Variants in ADCK1 observed in about 807,000 individuals in gnomAD.
ADCK1 encodes aarF domain-containing protein kinase 1.
Under a neutral mutation model 52.3 loss-of-function variants are expected in ADCK1, and 41 were observed. The ratio of observed to expected loss-of-function variants is 0.78; its 90% confidence interval spans 0.61 to 1.02. The LOEUF (loss-of-function observed/expected upper bound fraction) is 1.02, where lower values mean the gene tolerates loss of function less well. Ranked by LOEUF, ADCK1 falls within the 50% of genes least tolerant of loss-of-function variation. The probability of loss-of-function intolerance (pLI) is 0.00; values close to 1 mark genes in which losing one functional copy is unlikely to be tolerated. For missense variants in ADCK1, 658 were observed against 679.5 expected, an observed-to-expected ratio of 0.97 and a Z score of 0.35; for synonymous variants, 250 against 274.6, an observed-to-expected ratio of 0.91 and a Z score of 0.89.
intron 4 of ADCK1, among the ~76,000 whole-genome samples, chr14:77,862,619 G>A (rs534520343): frequency 4.6e-5 from 7 of 152,226 alleles, no homozygotes; most frequent in African/African-American, 7.2e-5. Context: ...GTTGGAGGAC[G>A]TGGTATTGGA....
At chr14:77,844,781 T>C (rs1302904022) in intron 3 of ADCK1, among the ~76,000 whole-genome samples, 4 of 152,200 alleles carry the variant, frequency 2.6e-5, no homozygotes, top group Non-Finnish European at 4.4e-5. Context: ...GTAACAGTTA[T>C]AGGTTTTTAA....
chr14:77,853,214 G>T (rs938463762), intron 3 of ADCK1, among the ~76,000 whole-genome samples: 4 of 151,638 alleles, frequency 2.6e-5, no homozygotes, highest in African/African-American at 9.7e-5. Context: ...CTGCCTCCTG[G>T]TCTCAAGCAA....
chr14:77,895,082 C>A (rs1304982525), intron 5 of ADCK1, among the ~76,000 whole-genome samples: 1 of 152,136 alleles, frequency 6.6e-6, no homozygotes, highest in Non-Finnish European at 1.5e-5. Flanking sequence ...TTATGTGTGA[C>A]TCTTCATTTT....
intron 3 of ADCK1, among the ~76,000 whole-genome samples, chr14:77,851,522 T>G (rs2082284822): frequency 6.6e-6 from 1 of 152,210 alleles, no homozygotes; most frequent in East Asian, 1.9e-4. Context: ...GTTATTCGTT[T>G]TCTGTTTGTC....
chr14:77,839,268 C>T (rs866213731), intron 3 of ADCK1, among the ~76,000 whole-genome samples: 8 of 152,226 alleles, frequency 5.3e-5, no homozygotes, highest in African/African-American at 1.2e-4. Flanking sequence ...GAGGCAGGGC[C>T]GGCCATGTGA....
chr14:77,913,478 T>C (rs2083843797), intron 7 of ADCK1, among the ~76,000 whole-genome samples: 1 of 152,182 alleles, frequency 6.6e-6, no homozygotes, highest in Admixed American at 6.5e-5. Context: ...CTGGTGATCA[T>C]ATTTGCCAGT....
At chr14:77,802,544 G>C (rs2081132852) in intron 1 of ADCK1, among the ~76,000 whole-genome samples, 1 of 151,796 alleles carries the variant, frequency 6.6e-6, no homozygotes, top group African/African-American at 2.4e-5. Flanking sequence ...TCTGCCTCTC[G>C]GGTTCCAGCA....
At chr14:77,866,902 G>C (rs2082673020) in intron 4 of ADCK1, among the ~76,000 whole-genome samples, 1 of 152,132 alleles carries the variant, frequency 6.6e-6, no homozygotes, top group Non-Finnish European at 1.5e-5. Context: ...CCTGGGGTCT[G>C]ACTCCACCTG....
intron 5 of ADCK1, among the ~76,000 whole-genome samples, chr14:77,889,379 T>A (rs566287361): frequency 3.9e-5 from 6 of 152,338 alleles, no homozygotes; most frequent in Non-Finnish European, 7.3e-5. Flanking sequence ...TGTATTGTAC[T>A]CACCTATTTT....
intron 7 of ADCK1, among the ~76,000 whole-genome samples, chr14:77,919,567 A>G (rs1399825337): frequency 6.6e-6 from 1 of 152,106 alleles, no homozygotes; most frequent in Non-Finnish European, 1.5e-5. Flanking sequence ...TGTCTTTTTC[A>G]TATAATGACT....
At chr14:77,899,586 G>A (rs1299563624) in intron 6 of ADCK1, among the ~76,000 whole-genome samples, 2 of 152,206 alleles carry the variant, frequency 1.3e-5, no homozygotes, top group Non-Finnish European at 2.9e-5. Flanking sequence ...GATGATGATG[G>A]CGATGCTGAT....
chr14:77,852,881 G>GTATATATATA (rs1250184497), intron 3 of ADCK1, among the ~76,000 whole-genome samples: 31 of 29,574 alleles, frequency 1.0e-3, no homozygotes, highest in African/African-American at 1.8e-3. Context: ...TCTTTTATGT[G>GTATATATATA]TGTATATATA....
intron 1 of ADCK1, among the ~76,000 whole-genome samples, chr14:77,806,799 C>T (rs1363140777): frequency 2.6e-5 from 4 of 152,060 alleles, no homozygotes; most frequent in African/African-American, 9.7e-5. Context: ...ACTGCAACCT[C>T]CTTCTCCTGG....
rs563000435 is a variant in ADCK1 at position 77,894,113 on chromosome 14, G to C, written c.583-4987G>C. 2.0e-5 allele frequency among the ~76,000 whole-genome samples: 3 copies of C among 152,252 alleles called. No homozygotes were observed. The East Asian group carries it at 5.8e-4, about 29-fold the overall frequency. The stretch of plus-strand genomic sequence containing the variant: ...TTATGTCGGCACAGAATCCAACAGC[G>C]ATTTTATTTTTTAAAATATATATTA... On this transcript the variant is annotated intron_variant, in intron 5 of 10. Coordinates refer to ENST00000238561, the MANE Select transcript of ADCK1 (RefSeq NM_020421.4).
chr14:77,808,279 G>A (rs937874556), intron 1 of ADCK1, among the ~76,000 whole-genome samples: 13 of 152,164 alleles, frequency 8.5e-5, no homozygotes, highest in South Asian at 2.1e-4. Context: ...CATGAGTTCC[G>A]TGGAGTCACA....
chr14:77,865,634 T>A (rs1373170446), intron 4 of ADCK1, among the ~76,000 whole-genome samples: 1 of 152,200 alleles, frequency 6.6e-6, no homozygotes, highest in African/African-American at 2.4e-5. Flanking sequence ...ATGTGTACCC[T>A]CGGTCTGCTT....
intron 3 of ADCK1, among the ~76,000 whole-genome samples, chr14:77,839,259 A>G (rs974274789): frequency 1.3e-5 from 2 of 152,198 alleles, no homozygotes; most frequent in Non-Finnish European, 2.9e-5. Flanking sequence ...TTAGAGGAAG[A>G]GGCAGGGCCG....
At chr14:77,852,656 AATAAATATATATAT>A (rs1334069587) in intron 3 of ADCK1, among the ~76,000 whole-genome samples, 7 of 26,188 alleles carry the variant, frequency 2.7e-4, no homozygotes, top group East Asian at 9.6e-4. Flanking sequence ...TCTTTAAATA[AATAAATATATATAT>A]ATATATATAT....
chr14:77,845,079 T>G (rs2082149461), intron 3 of ADCK1, among the ~76,000 whole-genome samples: 1 of 152,244 alleles, frequency 6.6e-6, no homozygotes, highest in African/African-American at 2.4e-5. Context: ...TGTTCAGGAT[T>G]GCATAAGTAG....
Sources: gnomAD v4.1 joint callset for allele counts (sites outside exome capture counted in the v4.1 genomes callset) on GRCh38, gnomAD v4.1.1 for gene constraint, MANE v1.5 for transcripts, NCBI Gene and HGNC (gene_info 2026-07-23, HGNC 2026-07-21) for gene names.